Variants in RAC2 observed in about 807,000 individuals in gnomAD.
RAC2 encodes the protein ras-related C3 botulinum toxin substrate 2.
A neutral mutation model predicts 24.0 loss-of-function variants in RAC2; 1 was observed. The observed-to-expected ratio is 0.04, with a 90% CI of 0.01 to 0.20. The LOEUF (loss-of-function observed/expected upper bound fraction) is 0.20. Among genes scored for constraint, RAC2 ranks in the 10% least tolerant of loss-of-function variants. The pLI, the probability that RAC2 is intolerant of heterozygous loss-of-function variation, is 1.00. For missense variants in RAC2, 130 were observed against 259.1 expected (o/e 0.50, Z 3.42); for synonymous variants, 114 against 106.8 (o/e 1.07, Z -0.41).
chr22:37,244,167 AG>A lies in RAC2; in HGVS notation c.-20del, dbSNP rs754452931. 1.6e-5 allele frequency: 26 copies of A among 1,613,762 alleles called. No homozygotes were observed. The South Asian group carries it at 2.7e-4, about 17-fold the overall frequency. On this transcript the variant is annotated 5_prime_UTR_variant, in exon 1 of 7. Transcript: ENST00000249071. ...CCTGCATCGTGTCCGGAGCCTGGAGAGTGTCGGTGGTGACAGCTCAGGGCCA... is the reference window on the plus strand; with the variant it reads ...CCTGCATCGTGTCCGGAGCCTGGAGATGTCGGTGGTGACAGCTCAGGGCCA...
At chr22:37,242,230 C>T (rs1352349577) in intron 1 of RAC2, among the ~76,000 whole-genome samples, 1 of 152,212 alleles carries the variant, frequency 6.6e-6, no homozygotes, top group Middle Eastern at 3.2e-3. Context: ...TGACCCTGCT[C>T]TTCCCTCTCA....
In RAC2 at chr22:37,226,894, C is replaced by T. The variant is rs1261260819; in HGVS notation, c.449-91G>A. 4.5e-5 allele frequency: 67 copies of T among 1,498,410 alleles called. 1 individual carries two copies. In the Middle Eastern group the frequency reaches 5.2e-4, roughly 12 times the overall value. The allele number at this position is 1,498,410 out of a possible 1,614,324, so 92.8% of individuals were successfully genotyped here. A position where few individuals can be genotyped will look rare whatever the true frequency, so the allele number is the denominator to read the frequency against. ...CTCCTATGCCATACAACCCCTTCCA[C>T]GCCATACACCCCTCCCACGCCATAC... On this transcript the variant is annotated intron_variant, in intron 5 of 6. Transcript: ENST00000249071.
intron 2 of RAC2, among the ~76,000 whole-genome samples, chr22:37,239,507 G>C (rs1971211918): frequency 6.6e-6 from 1 of 152,140 alleles, no homozygotes; most frequent in African/African-American, 2.4e-5. Context: ...AGTCCACTAG[G>C]GGCCACCAGG....
intron 5 of RAC2, among the ~76,000 whole-genome samples, chr22:37,228,765 G>A (rs546448524): frequency 5.1e-4 from 78 of 152,204 alleles, no homozygotes; most frequent in Non-Finnish European, 9.7e-4. Context: ...CTGGAACAGG[G>A]GAGCCCACTG....
chr22:37,226,721 C>T lies in RAC2; in HGVS notation c.531G>A (p.Leu177=). Residue 177 remains leucine (L), a synonymous_variant, in exon 6 of 7, where the codon CTG becomes CTA. Transcript: ENST00000249071. ...TVFDEAIRAV[L]CPQPTRQQKR... Reference sequence around the variant, plus strand: ...TCTGCTGCCGCGTGGGCTGAGGGCACAGCACGGCCCGGATGGCCTCGTCGA... The same window carrying T: ...TCTGCTGCCGCGTGGGCTGAGGGCATAGCACGGCCCGGATGGCCTCGTCGA... 6.2e-7 allele frequency: 1 copy of T among 1,613,122 alleles called. No individual in the cohort carries two copies. The highest frequency in any genetic ancestry group is 8.5e-7 in the Non-Finnish European group (1 of 1,179,574).
At position 37,231,107 on chromosome 22, in the gene RAC2, G is replaced by A. The variant is rs896224463; in HGVS notation, c.448+124C>T. ...ACTCGCCCAAGGTCACACAGCAAGT[G>A]CACAGCACAGCTGAGTTCAAACTGC... On this transcript the variant is annotated intron_variant, in intron 5 of 6. Coordinates refer to ENST00000249071, the MANE Select transcript of RAC2 (RefSeq NM_002872.5). This position sits in a 1 kb window ranked among gnomAD's most constrained non-coding sequence, Gnocchi z 5.5. The A allele has an allele frequency of 8.4e-6, 10 of 1,190,538 alleles. No homozygotes were observed. The African/African-American group carries it at 1.4e-4, about 16-fold the overall frequency. 73.7% of individuals were successfully genotyped at this position (1,190,538 alleles called of 1,614,324 possible).
chr22:37,232,341 T>G, intron 3 of RAC2: 1 of 450,894 alleles, frequency 2.2e-6, no homozygotes, highest in East Asian at 4.6e-5. Context: ...TCTGGGATTC[T>G]AGAGTCCATA....
intron 5 of RAC2, among the ~76,000 whole-genome samples, chr22:37,230,241 G>C (rs943815906): frequency 6.7e-5 from 9 of 135,246 alleles, no homozygotes; most frequent in African/African-American, 2.4e-4. Context: ...AGTCCCCAGG[G>C]CCCTCCCAGT....
At chr22:37,238,716 T>G (rs555006025) in intron 2 of RAC2, among the ~76,000 whole-genome samples, 10 of 152,278 alleles carry the variant, frequency 6.6e-5, no homozygotes, top group Non-Finnish European at 1.5e-4. Flanking sequence ...AGGCTCCCCA[T>G]CTGCGAAACG....
chr22:37,237,938 C>G (rs553236379), intron 2 of RAC2, among the ~76,000 whole-genome samples: 7 of 151,112 alleles, frequency 4.6e-5, no homozygotes, highest in Non-Finnish European at 7.4e-5. Context: ...AGGTTGGAGA[C>G]GGGGGGCTGC....
chr22:37,231,174 G>T lies in RAC2; in HGVS notation c.448+57C>A. 1 of 1,600,042 alleles carries T rather than the reference G, an allele frequency of 6.2e-7. No individual in the cohort carries two copies. The highest frequency in any genetic ancestry group is 8.6e-7 in the Non-Finnish European group (1 of 1,169,442). On this transcript the variant is annotated intron_variant, in intron 5 of 6. Coordinates refer to ENST00000249071, the MANE Select transcript of RAC2 (RefSeq NM_002872.5). The surrounding 1 kb of genome is among the most constrained non-coding windows in gnomAD (Gnocchi z 5.5). ...GCCCGTGTTTACAATCACACCACGAGGCCAAGTCAGGGCCTCCCCTGCAGC... is the reference window on the plus strand; with the variant it reads ...GCCCGTGTTTACAATCACACCACGATGCCAAGTCAGGGCCTCCCCTGCAGC...
chr22:37,233,489 ACC>A (rs1248063402), intron 2 of RAC2, among the ~76,000 whole-genome samples: 3 of 151,908 alleles, frequency 2.0e-5, no homozygotes, highest in Admixed American at 6.6e-5. Flanking sequence ...CACCATGTTG[ACC>A]AGGCTGGTCT....
At chr22:37,239,278 T>C (rs1012192065) in intron 2 of RAC2, among the ~76,000 whole-genome samples, 3 of 152,180 alleles carry the variant, frequency 2.0e-5, no homozygotes, top group Non-Finnish European at 4.4e-5. Flanking sequence ...ACAGGGCCCA[T>C]GCTCAAAAAT....
At chr22:37,241,124 C>T (rs757686862) in intron 2 of RAC2, 12 of 778,162 alleles carry the variant, frequency 1.5e-5, no homozygotes, top group South Asian at 1.1e-4. Context: ...CCGATGACAG[C>T]CCTGCCTCCG....
chr22:37,242,411 T>C (rs1927427386), intron 1 of RAC2, among the ~76,000 whole-genome samples: 1 of 152,156 alleles, frequency 6.6e-6, no homozygotes, highest in South Asian at 2.1e-4. Flanking sequence ...AAGGCTAGAT[T>C]AACCCCAGAG....
At chr22:37,229,172 T>G (rs1926978488) in intron 5 of RAC2, among the ~76,000 whole-genome samples, 1 of 152,206 alleles carries the variant, frequency 6.6e-6, no homozygotes. Flanking sequence ...CTCACTGCTC[T>G]AGGACTTTAG....
intron 2 of RAC2, among the ~76,000 whole-genome samples, chr22:37,233,738 C>T (rs1253507802): frequency 6.6e-6 from 1 of 152,226 alleles, no homozygotes; most frequent in Non-Finnish European, 1.5e-5. Context: ...GGGACAGCAG[C>T]TGACACAGGG....
rs554672786 is a variant in RAC2 at position 37,233,821 on chromosome 22, C to T, written c.108-903G>A. On this transcript the variant is annotated intron_variant, in intron 2 of 6. Transcript: ENST00000249071. ...TGCTGGGGCCACCTGGGAGACAGAA[C>T]GGACCGTGCTCAGGGCGTCCCCAGA... Among the ~76,000 whole-genome samples the T allele has an allele frequency of 3.3e-5, 5 of 152,120 alleles. No individual in the cohort carries two copies. In the East Asian group the frequency reaches 5.8e-4, roughly 18 times the overall value.
intron 2 of RAC2, among the ~76,000 whole-genome samples, chr22:37,237,657 C>T (rs911733002): frequency 1.3e-5 from 2 of 152,148 alleles, no homozygotes; most frequent in African/African-American, 2.4e-5. Context: ...CCAAATGATT[C>T]AACCTCAATT....
Sources: gnomAD v4.1 joint callset for allele counts (sites outside exome capture counted in the v4.1 genomes callset) on GRCh38, gnomAD v4.1.1 for gene constraint, Gnocchi (gnomAD v3.1) non-coding constraint, MANE v1.5 for transcripts, NCBI Gene and HGNC (gene_info 2026-07-23, HGNC 2026-07-21) for gene names.